The following CACNA1C variants were observed in gnomAD, a reference collection of about 807,000 sequenced individuals.
CACNA1C encodes calcium voltage-gated channel subunit alpha1 C, also known as voltage-dependent L-type calcium channel subunit alpha-1C.
CACNA1C carries 30 observed loss-of-function variants against 229.0 expected under a neutral mutation model. That is an observed-to-expected ratio of 0.13 (90% CI 0.10 to 0.18). The LOEUF (loss-of-function observed/expected upper bound fraction) is 0.18, where lower values mean the gene tolerates loss of function less well. Ranked by LOEUF, CACNA1C falls within the 10% of genes least tolerant of loss-of-function variation. CACNA1C has a pLI of 1.00. For synonymous variants in CACNA1C, 1,114 were observed against 1,132.5 expected, an observed-to-expected ratio of 0.98 and a Z score of 0.33; for missense variants, 1,658 against 2,845.0, an observed-to-expected ratio of 0.58 and a Z score of 9.49.
Position 2,661,280 on chromosome 12 carries a change from T to TACACACACACAC in CACNA1C, c.4233-3521_4233-3510dup, listed in dbSNP as rs1210712672. On this transcript the variant is annotated intron_variant, in intron 34 of 46. Transcript: ENST00000399655. ...CCATCTCTAAACACATACACACACA[T>TACACACACACAC]ACACACACACACACACACACACACA... Among the ~76,000 whole-genome samples, 938 of 123,412 alleles carry TACACACACACAC rather than the reference T, an allele frequency of 7.6e-3. 11 individuals are homozygous for TACACACACACAC. The highest frequency in any genetic ancestry group is 0.014 in the South Asian group (51 of 3,564). 81.0% of individuals were successfully genotyped at this position (123,412 alleles called of 152,430 possible). A position where few individuals can be genotyped will look rare whatever the true frequency, so the allele number is the denominator to read the frequency against.
At chr12:2,462,575 A>C (rs1435759862) in intron 5 of CACNA1C, among the ~76,000 whole-genome samples, 8 of 152,216 alleles carry the variant, frequency 5.3e-5, no homozygotes, top group Non-Finnish European at 7.3e-5. Flanking sequence ...CAGCACCGAC[A>C]ATAAAGGTGA....
At chr12:2,452,201 C>T (rs933383681) in intron 4 of CACNA1C, among the ~76,000 whole-genome samples, 2 of 152,118 alleles carry the variant, frequency 1.3e-5, no homozygotes, top group African/African-American at 2.4e-5. Context: ...GGCTGAGAGC[C>T]TCATCTCTGC....
At chr12:2,203,630 G>A (rs1267188064) in intron 3 of CACNA1C, among the ~76,000 whole-genome samples, 1 of 152,090 alleles carries the variant, frequency 6.6e-6, no homozygotes, top group Non-Finnish European at 1.5e-5. Flanking sequence ...TTCTTAGGAG[G>A]GTTTTCTGAA....
chr12:2,368,312 A>C (rs3891780), intron 3 of CACNA1C, among the ~76,000 whole-genome samples: 49,820 of 151,898 alleles, frequency 0.33, 8,419 homozygotes, highest in Non-Finnish European at 0.38. Context: ...AGGGGCTACA[A>C]CAAAGCAGGA....
intron 9 of CACNA1C, among the ~76,000 whole-genome samples, chr12:2,540,365 GGA>G (rs1210668482): frequency 6.6e-6 from 1 of 152,186 alleles, no homozygotes; most frequent in East Asian, 1.9e-4. Flanking sequence ...CGGAGTCACA[GGA>G]GCTCAGAAGA....
intron 5 of CACNA1C, among the ~76,000 whole-genome samples, chr12:2,471,676 G>A (rs1158318545): frequency 6.6e-6 from 1 of 151,630 alleles, no homozygotes; most frequent in Non-Finnish European, 1.5e-5. Flanking sequence ...CTGATGAGAA[G>A]TCATTGATTT....
chr12:2,028,853 G>A (rs905828715), intron 1 of CACNA1C, among the ~76,000 whole-genome samples: 1 of 152,240 alleles, frequency 6.6e-6, no homozygotes, highest in Non-Finnish European at 1.5e-5. Flanking sequence ...TGTGTGGCAA[G>A]TAGTGAATAA....
chr12:2,317,788 G>A (rs189017011), intron 3 of CACNA1C, among the ~76,000 whole-genome samples: 62 of 152,324 alleles, frequency 4.1e-4, no homozygotes, highest in African/African-American at 1.4e-3. Flanking sequence ...CTCTGGTGGC[G>A]ATTGGATGTG....
At chr12:2,497,593 T>G (rs1346759272) in intron 7 of CACNA1C, among the ~76,000 whole-genome samples, 1 of 152,152 alleles carries the variant, frequency 6.6e-6, no homozygotes, top group East Asian at 1.9e-4. Flanking sequence ...GTAAAGAGCC[T>G]CTGGCCCGCG....
rs1164539806 is a variant in CACNA1C at position 2,655,132 on chromosome 12, C to G, written c.4141-15C>G. On this transcript the variant is annotated splice_polypyrimidine_tract_variant and intron_variant, in intron 33 of 46. Coordinates refer to ENST00000399655, the MANE Select transcript of CACNA1C (RefSeq NM_000719.7). ...GTCCACAAATCACTGAACACCTCTT[C>G]CTTCTCTCTCCTAGGTGTTTGGGAA... The G allele has an allele frequency of 6.6e-7, 1 of 1,522,294 alleles. No individual in the cohort carries two copies. Among genetic ancestry groups the G allele is most frequent in the South Asian group, 1.1e-5 (1 of 88,942 alleles). 94.3% of individuals were successfully genotyped at this position (1,522,294 alleles called of 1,614,324 possible).
At chr12:2,465,539 C>A (rs1435928379) in intron 5 of CACNA1C, among the ~76,000 whole-genome samples, 1 of 152,074 alleles carries the variant, frequency 6.6e-6, no homozygotes, top group Non-Finnish European at 1.5e-5. Flanking sequence ...TGTGGGGTGC[C>A]CAAACCCATT....
At chr12:2,562,133 G>T (rs2047825667) in intron 11 of CACNA1C, among the ~76,000 whole-genome samples, 1 of 132,174 alleles carries the variant, frequency 7.6e-6, no homozygotes, top group Non-Finnish European at 1.6e-5. Flanking sequence ...GAGCACCCCA[G>T]TTGAAAGGGA....
chr12:2,211,651 G>T (rs2097918395), intron 3 of CACNA1C, among the ~76,000 whole-genome samples: 1 of 151,780 alleles, frequency 6.6e-6, no homozygotes, highest in African/African-American at 2.4e-5. Context: ...CATGAGCAGG[G>T]CTTGCCCTCA....
intron 9 of CACNA1C, among the ~76,000 whole-genome samples, chr12:2,522,960 G>T (rs2099812771): frequency 6.6e-6 from 1 of 152,154 alleles, no homozygotes; most frequent in Non-Finnish European, 1.5e-5. Context: ...GTACCATGCT[G>T]GTCTCTACCA....
chr12:2,284,816 T>C (rs1483251670), intron 3 of CACNA1C, among the ~76,000 whole-genome samples: 3 of 152,228 alleles, frequency 2.0e-5, no homozygotes, highest in Non-Finnish European at 4.4e-5. Flanking sequence ...AGGGAAGGGA[T>C]GCCCGCTGCT....
chr12:2,610,265 G>C (rs1050177793), intron 27 of CACNA1C, among the ~76,000 whole-genome samples: 2 of 152,228 alleles, frequency 1.3e-5, no homozygotes, highest in African/African-American at 4.8e-5. Context: ...CCAGGGTGAG[G>C]AAAGGAGGTG....
intron 3 of CACNA1C, among the ~76,000 whole-genome samples, chr12:2,283,496 G>T (rs141641906): frequency 0.012 from 1,900 of 152,248 alleles, 16 homozygotes; most frequent in Non-Finnish European, 0.021. Flanking sequence ...CAGGGACAGG[G>T]CATTATTGCC....
intron 3 of CACNA1C, among the ~76,000 whole-genome samples, chr12:2,444,313 A>G (rs2099256775): frequency 1.3e-5 from 2 of 152,272 alleles, no homozygotes; most frequent in South Asian, 2.1e-4. Context: ...GAGGAGGTTA[A>G]TTAGATAACC....
chr12:2,198,161 GC>G (rs1291722014), intron 3 of CACNA1C, among the ~76,000 whole-genome samples: 1 of 152,206 alleles, frequency 6.6e-6, no homozygotes, highest in Non-Finnish European at 1.5e-5. Context: ...GCACAGTGCG[GC>G]CCACAGCAAA....
Sources: gnomAD v4.1 joint callset for allele counts (sites outside exome capture counted in the v4.1 genomes callset) on GRCh38, gnomAD v4.1.1 for gene constraint, MANE v1.5 for transcripts, NCBI Gene and HGNC (gene_info 2026-07-23, HGNC 2026-07-21) for gene names.